BTN2A1: variants seen among roughly 807,000 people sequenced by gnomAD.
BTN2A1 encodes the protein butyrophilin subfamily 2 member A1, also known as butyrophilin, subfamily 2, member A1.
BTN2A1 carries 41 observed loss-of-function variants against 34.5 expected under a neutral mutation model. That is an observed-to-expected ratio of 1.19 (90% confidence interval 0.93 to 1.54). BTN2A1 has a LOEUF of 1.54. BTN2A1 is among the 40% of genes most tolerant of loss of function. The pLI is 0.00. For synonymous variants in BTN2A1, 267 were observed against 258.6 expected, an observed-to-expected ratio of 1.03 and a Z score of -0.31; for missense variants, 642 against 662.0, an observed-to-expected ratio of 0.97 and a Z score of 0.33.
rs1763055401 is a variant in BTN2A1 at position 26,458,078 on chromosome 6, A to G, written c.-95A>G. The G allele has an allele frequency of 6.5e-6, 1 of 154,908 alleles. No homozygotes were observed. The highest frequency in any genetic ancestry group is 1.4e-5 in the Non-Finnish European group (1 of 69,610). The allele number at this position is 154,908 out of a possible 1,614,324, so 9.6% of individuals were successfully genotyped here. ...TGCCCCTGGGCAGATTGGAGAGAAG[A>G]GGGACGACTGGAGAATCGTCGAGAA... On this transcript the variant is annotated 5_prime_UTR_variant, in exon 1 of 8. Coordinates refer to ENST00000312541, the MANE Select transcript of BTN2A1 (RefSeq NM_007049.5).
At chr6:26,463,872 G>T (rs900520497) in intron 4 of BTN2A1, among the ~76,000 whole-genome samples, 1 of 151,876 alleles carries the variant, frequency 6.6e-6, no homozygotes, top group African/African-American at 2.4e-5. Flanking sequence ...CACAATCTTG[G>T]CTCACTGCAA....
intron 7 of BTN2A1, among the ~76,000 whole-genome samples, chr6:26,466,969 C>G (rs1763331663): frequency 1.3e-5 from 2 of 152,158 alleles, no homozygotes; most frequent in Non-Finnish European, 2.9e-5. Context: ...AGACATCAGA[C>G]CCATGTTGTT....
At chr6:26,467,722 T>A in intron 7 of BTN2A1, 1 of 1,591,672 alleles carries the variant, frequency 6.3e-7, no homozygotes, top group Non-Finnish European at 8.6e-7. Context: ...TTCTTAGAGC[T>A]CCAATTCTTC....
At chr6:26,460,171 CAG>C (rs2113855558) in intron 3 of BTN2A1, among the ~76,000 whole-genome samples, 1 of 151,908 alleles carries the variant, frequency 6.6e-6, no homozygotes, top group East Asian at 1.9e-4. Flanking sequence ...CTTTTTGAGA[CAG>C]AGTCTTGCTC....
intron 2 of BTN2A1, among the ~76,000 whole-genome samples, chr6:26,459,269 G>A (rs964396804): frequency 6.6e-6 from 1 of 152,102 alleles, no homozygotes; most frequent in Non-Finnish European, 1.5e-5. Context: ...GGTTCCTCAG[G>A]GTTTCCTTCA....
rs776046944 is a variant in BTN2A1, at chr6:26,469,466, TTTTAA to T, written c.*922_*926del. The T allele has an allele frequency of 1.7e-4, 60 of 349,610 alleles. No individual in the cohort carries two copies. Among genetic ancestry groups the T allele is most frequent in the South Asian group, 1.2e-4 (1 of 8,658 alleles). The allele number at this position is 349,610 out of a possible 1,614,324, so 21.7% of individuals were successfully genotyped here. A position where few individuals can be genotyped will look rare whatever the true frequency, so the allele number is the denominator to read the frequency against. On this transcript the variant is annotated 3_prime_UTR_variant, in exon 8 of 8. Transcript: ENST00000312541. The stretch of plus-strand genomic sequence containing the variant: ...CATTTGAGATTGAAACTAAGAAATG[TTTTAA>T]TTTATTACCTTTACAACATTTATTT...
chr6:26,474,595 G>A (rs892234358), downstream of BTN2A1, among the ~76,000 whole-genome samples: 15 of 152,040 alleles, frequency 9.9e-5, no homozygotes, highest in African/African-American at 3.6e-4. Flanking sequence ...AAGCTGAGAG[G>A]GGAACTGGCA....
At position 26,468,654 on chromosome 6, in the gene BTN2A1, A is replaced by C; in HGVS notation, c.*105A>C. 6.2e-7 allele frequency: 1 copy of C among 1,613,834 alleles called. No individual in the cohort carries two copies. Among genetic ancestry groups the C allele is most frequent in the Non-Finnish European group, 8.5e-7 (1 of 1,180,024 alleles). On this transcript the variant is annotated 3_prime_UTR_variant, in exon 8 of 8. Coordinates refer to ENST00000312541, the MANE Select transcript of BTN2A1 (RefSeq NM_007049.5). ...ACACGCCCTCCTCCCCTCTGGTCAC[A>C]CAAGAGAACATCTTCCAGCTGCCTC... is the stretch of plus-strand genomic sequence containing the variant.
exon 8 of BTN2A1, chr6:26,476,397 G>A (rs370670119): frequency 1.7e-5 from 12 of 721,112 alleles, no homozygotes; most frequent in African/African-American, 5.2e-5. Flanking sequence ...CCCAAACTCC[G>A]GCTTGCCCAG....
At position 26,468,308 on chromosome 6, in the gene BTN2A1, G is replaced by A; in HGVS notation, c.1343G>A (p.Cys448Tyr). The A allele has an allele frequency of 6.2e-7, 1 of 1,614,196 alleles. No homozygotes were observed. The highest frequency in any genetic ancestry group is 8.5e-7 in the Non-Finnish European group (1 of 1,180,050). ...ATTCTCCCTTTGAAGGAGTCCCTTT[G>A]CCGGGTGGGCGTCTTCCTGGACTAT... ...DRILPLKESL[C>Y]RVGVFLDYEA... is the part of the protein sequence containing the mutation. The change falls in exon 8 of 8, where the codon TGC becomes TAC. Residue 448 changes from cysteine (C) to tyrosine (Y), a missense_variant. Coordinates refer to ENST00000312541, the MANE Select transcript of BTN2A1 (RefSeq NM_007049.5).
chr6:26,462,777 C>T, intron 3 of BTN2A1: 1 of 1,281,464 alleles, frequency 7.8e-7, no homozygotes, highest in Non-Finnish European at 1.0e-6. Flanking sequence ...AGACTTTCGT[C>T]CTTCTCGTTA....
chr6:26,472,859 C>G (rs758128355), downstream of BTN2A1, among the ~76,000 whole-genome samples: 4 of 152,164 alleles, frequency 2.6e-5, no homozygotes, highest in Non-Finnish European at 5.9e-5. Flanking sequence ...GGCAGGAAAG[C>G]TCCCCCTGTG....
Position 26,459,681 on chromosome 6 carries a change from A to G in BTN2A1, c.283A>G (p.Arg95Gly), listed in dbSNP as rs763450772. 1.9e-6 allele frequency: 3 copies of G among 1,614,156 alleles called. No homozygotes were observed. Among genetic ancestry groups the G allele is most frequent in the Non-Finnish European group, 2.5e-6 (3 of 1,180,016 alleles). The change falls in exon 3 of 8, where the codon AGA becomes GGA. Residue 95 changes from arginine to glycine, a missense_variant. Coordinates refer to ENST00000312541, the MANE Select transcript of BTN2A1 (RefSeq NM_007049.5). ...GGAGCAGATGGAGGAGTACCGAGGAAGAACCACCTTTGTGAGCAAAGACAT... is the reference window on the plus strand; with the variant it reads ...GGAGCAGATGGAGGAGTACCGAGGAGGAACCACCTTTGTGAGCAAAGACAT... ...TEEQMEEYRG[R>G]TTFVSKDISR...
At chr6:26,464,081 C>T (rs1296589512) in intron 4 of BTN2A1, among the ~76,000 whole-genome samples, 3 of 152,236 alleles carry the variant, frequency 2.0e-5, no homozygotes, top group East Asian at 1.9e-4. Flanking sequence ...GGATTACAGG[C>T]GTGAGCCACC....
At chr6:26,474,023 T>G (rs1763497809), downstream of BTN2A1, among the ~76,000 whole-genome samples, 1 of 152,230 alleles carries the variant, frequency 6.6e-6, no homozygotes, top group Non-Finnish European at 1.5e-5. Context: ...TTTCCTTTAT[T>G]CTGGATCAGA....
At chr6:26,471,509 C>A (rs1763450152), downstream of BTN2A1, among the ~76,000 whole-genome samples, 1 of 152,192 alleles carries the variant, frequency 6.6e-6, no homozygotes, top group African/African-American at 2.4e-5. Flanking sequence ...AGGTGGATCA[C>A]TTAAGGTGAG....
chr6:26,463,040 A>T, intron 3 of BTN2A1: 3 of 919,528 alleles, frequency 3.3e-6, no homozygotes, highest in Non-Finnish European at 4.7e-6. Flanking sequence ...CTCACAGTTT[A>T]TGTGGCCCAT....
intron 3 of BTN2A1, 54 bp from the exon 4 acceptor site, chr6:26,463,190 A>C (rs564618140): frequency 2.4e-5 from 36 of 1,516,836 alleles, no homozygotes; most frequent in Non-Finnish European, 2.9e-5. Context: ...CAATAGGCAC[A>C]GAAGAGATGC....
At position 26,465,961 on chromosome 6, in the gene BTN2A1, C is replaced by G. The variant is rs1328188500; in HGVS notation, c.943C>G (p.Gln315Glu). The G allele has an allele frequency of 3.7e-6, 6 of 1,614,204 alleles. No homozygotes were observed. The highest frequency in any genetic ancestry group is 5.1e-6 in the Non-Finnish European group (6 of 1,180,026). Residue 315 changes from glutamine (Q) to glutamate (E), a missense_variant, in exon 6 of 8, where the codon CAA becomes GAA. Gln to Glu is a conservative substitution (Grantham distance 29). Transcript: ENST00000312541. Reference sequence around the variant, plus strand: ...CTTTGTTTGTTTTTCAGAGAAACTTCAAGAAGAATTGCGTAAGTTTAGCCT... The same window carrying G: ...CTTTGTTTGTTTTTCAGAGAAACTTGAAGAAGAATTGCGTAAGTTTAGCCT... ...EEELQVKEKL[Q>E]EELRWRRTFL... is the part of the protein sequence containing the mutation.
Sources: allele counts gnomAD v4.1 joint callset (sites outside exome capture counted in the v4.1 genomes callset), GRCh38; gene constraint gnomAD v4.1.1; transcripts MANE v1.5; gene names NCBI Gene and HGNC (gene_info 2026-07-23, HGNC 2026-07-21).